NCAPD3: variants seen among roughly 807,000 people sequenced by gnomAD.
NCAPD3 encodes the protein non-SMC condensin II complex subunit D3, also known as condensin-2 complex subunit D3.
In NCAPD3, 105 loss-of-function variants were observed where a neutral mutation model predicts 182.9. That is an observed-to-expected ratio of 0.57 (90% CI 0.49 to 0.68). The LOEUF is 0.68. Ranked by LOEUF, NCAPD3 falls within the 30% of genes least tolerant of loss-of-function variation. The pLI, the probability that NCAPD3 is intolerant of heterozygous loss-of-function variation, is 0.00. For missense variants in NCAPD3, 1,944 were observed against 1,837.0 expected (o/e 1.06, Z -1.07); for synonymous variants, 815 against 679.9 (o/e 1.20, Z -3.09).
intron 19 of NCAPD3, among the ~76,000 whole-genome samples, chr11:134,181,481 T>C (rs1241836957): frequency 1.3e-5 from 2 of 152,212 alleles, no homozygotes; most frequent in South Asian, 2.1e-4. Flanking sequence ...TGTAGTAATT[T>C]GTAAGAGATC....
intron 10 of NCAPD3, 51 bp downstream of exon 10, chr11:134,203,995 T>C (rs756550486): frequency 6.6e-7 from 1 of 1,509,572 alleles, no homozygotes; most frequent in South Asian, 1.1e-5. Flanking sequence ...AGAGACCCTT[T>C]TAAAAAGAGT....
intron 1 of NCAPD3, among the ~76,000 whole-genome samples, chr11:134,222,076 A>G (rs1193509278): frequency 6.6e-6 from 1 of 152,234 alleles, no homozygotes; most frequent in Admixed American, 6.5e-5. Context: ...GATGGCAGTA[A>G]CTGGCCCTGT....
chr11:134,207,979 A>G (rs1001574615), intron 7 of NCAPD3, among the ~76,000 whole-genome samples: 2 of 152,188 alleles, frequency 1.3e-5, no homozygotes, highest in Non-Finnish European at 2.9e-5. Context: ...GGCCTGCTCA[A>G]CTTCATTTAA....
At chr11:134,160,463 C>G (rs1943546731) in intron 28 of NCAPD3, among the ~76,000 whole-genome samples, 1 of 152,112 alleles carries the variant, frequency 6.6e-6, no homozygotes, top group Non-Finnish European at 1.5e-5. Context: ...AAGACATGCT[C>G]AGACACAGCC....
intron 24 of NCAPD3, among the ~76,000 whole-genome samples, chr11:134,169,359 G>A (rs1253704536): frequency 6.6e-6 from 1 of 152,162 alleles, no homozygotes; most frequent in Admixed American, 6.5e-5. Context: ...TCGACCAACT[G>A]AACCCCAAAG....
rs1373698903 is a variant in NCAPD3 at position 134,151,741 on chromosome 11, C to A, written c.*1203G>T. 6.6e-6 allele frequency: 1 copy of A among 152,134 alleles called. No homozygotes were observed. Among genetic ancestry groups the A allele is most frequent in the Non-Finnish European group, 1.5e-5 (1 of 68,030 alleles). The allele number at this position is 152,134 out of a possible 1,614,324, so 9.4% of individuals were successfully genotyped here. On this transcript the variant is annotated 3_prime_UTR_variant, in exon 35 of 35. Coordinates refer to ENST00000534548, the MANE Select transcript of NCAPD3 (RefSeq NM_015261.3). ...TGTTTAACCTCATTTATAAAAGCTT[C>A]AAAAAAACCCAAACATTGCTTCATT...
intron 24 of NCAPD3, chr11:134,173,023 A>T (rs1253579934): frequency 6.6e-6 from 1 of 151,394 alleles, no homozygotes; most frequent in Non-Finnish European, 1.4e-5. Context: ...GCGGGCAGGC[A>T]GTGCAAGGAC....
At chr11:134,185,064 C>G (rs536098932) in intron 17 of NCAPD3, 64 bp from the exon 18 acceptor site, 389 of 1,298,046 alleles carry the variant, frequency 3.0e-4, no homozygotes, top group Admixed American at 5.2e-4. Context: ...CAACAAAGGC[C>G]TTTCTTCTGG....
intron 16 of NCAPD3, among the ~76,000 whole-genome samples, chr11:134,189,589 A>T (rs1338782753): frequency 6.6e-6 from 1 of 152,156 alleles, no homozygotes; most frequent in Admixed American, 6.5e-5. Context: ...TACTTATTGT[A>T]TAATGCTCAG....
Position 134,181,055 on chromosome 11 carries a change from G to A in NCAPD3, c.2559+22C>T, listed in dbSNP as rs1195735710. 45 of 1,552,354 alleles carry A rather than the reference G, an allele frequency of 2.9e-5. No homozygotes were observed. The Admixed American group carries it at 7.5e-4, about 26-fold the overall frequency. On this transcript the variant is annotated intron_variant, in intron 20 of 34. Coordinates refer to ENST00000534548, the MANE Select transcript of NCAPD3 (RefSeq NM_015261.3). Reference sequence around the variant, plus strand: ...GGATAAAATGGAAGCGAAAAGAATGGTTAGGAAAAGCAGTCGCTTACCAAC... The same window carrying A: ...GGATAAAATGGAAGCGAAAAGAATGATTAGGAAAAGCAGTCGCTTACCAAC...
At chr11:134,207,687 TGAGCC>T (rs1171423520) in intron 7 of NCAPD3, among the ~76,000 whole-genome samples, 1 of 132,134 alleles carries the variant, frequency 7.6e-6, no homozygotes, top group Non-Finnish European at 1.5e-5. Context: ...GAGGTTGCAG[TGAGCC>T]GAGATCATGC....
intron 25 of NCAPD3, 28 bp downstream of exon 25, chr11:134,168,889 G>C: frequency 6.2e-7 from 1 of 1,603,146 alleles, no homozygotes; most frequent in Admixed American, 1.7e-5. Context: ...CCAGATACAA[G>C]GAGACCAGAC....
At position 134,168,174 on chromosome 11, in the gene NCAPD3, A is replaced by T. The variant is rs1943914846; in HGVS notation, c.3395T>A (p.Leu1132Gln). 1 of 1,613,928 alleles carries T rather than the reference A, an allele frequency of 6.2e-7. No homozygotes were observed. The highest frequency in any genetic ancestry group is 1.7e-5 in the Admixed American group (1 of 60,002). The part of the protein sequence containing the change: ...SILACFADGI[L>Q]PLDLDASELL... ...CTCACTGGCGTCCAGGTCCAGGGGT[A>T]GGATGCCATCAGCAAAGCACGCTGA... Residue 1132 changes from leucine (L) to glutamine (Q), a missense_variant, in exon 27 of 35, where the codon CTA (leucine) becomes CAA (glutamine). Physicochemically the swap from Leu to Gln is moderately radical, Grantham distance 113. This residue lies in a region of NCAPD3 where 1,803 missense variants were observed against 1,674.6 expected (regional missense o/e 1.08). Coordinates refer to ENST00000534548, the MANE Select transcript of NCAPD3 (RefSeq NM_015261.3).
rs1221506298 is a variant in NCAPD3, at chr11:134,204,129, G to C, written c.1132C>G (p.Leu378Val). ...GGAAGTTTACTGAGCAGCTGGACTA[G>C]GGACTGGGCTGCAAAAGTACGATAC... ...SEYRTFAAQS[L>V]VQLLSKLPCG... The change falls in exon 10 of 35, where the codon CTA (leucine) becomes GTA (valine). Residue 378 changes from leucine to valine, a missense_variant. Around this residue, in one of 3 missense-constraint regions of NCAPD3, gnomAD observed 1,803 missense variants for 1,674.6 expected, o/e 1.08. Coordinates refer to ENST00000534548, the MANE Select transcript of NCAPD3 (RefSeq NM_015261.3). The surrounding 1 kb of genome is among the most constrained non-coding windows in gnomAD (Gnocchi z 4.3). 6.2e-7 allele frequency: 1 copy of C among 1,614,072 alleles called. No homozygotes were observed. The highest frequency in any genetic ancestry group is 1.7e-5 in the Admixed American group (1 of 60,022).
At chr11:134,221,709 G>A (rs1297236392) in intron 1 of NCAPD3, among the ~76,000 whole-genome samples, 1 of 152,146 alleles carries the variant, frequency 6.6e-6, no homozygotes, top group Non-Finnish European at 1.5e-5. Context: ...AGTTGGGCAA[G>A]GTATAAATAA....
At chr11:134,174,520 ACACT>A (rs1944111491) in intron 24 of NCAPD3, among the ~76,000 whole-genome samples, 2 of 151,918 alleles carry the variant, frequency 1.3e-5, no homozygotes, top group South Asian at 4.2e-4. Context: ...TACACACCAC[ACACT>A]CTCACTCATA....
intron 27 of NCAPD3, among the ~76,000 whole-genome samples, chr11:134,165,129 C>A (rs184672042): frequency 9.3e-5 from 14 of 150,704 alleles, no homozygotes; most frequent in Non-Finnish European, 1.8e-4. Flanking sequence ...GTGAGATGAG[C>A]TTAGGGGAGC....
intron 32 of NCAPD3, 157 bp from the exon 33 acceptor site, chr11:134,153,520 G>A (rs924577568): frequency 1.2e-5 from 9 of 732,692 alleles, no homozygotes; most frequent in Admixed American, 2.1e-5. Context: ...TGGCAGTGTT[G>A]AGGGCCCCTC....
chr11:134,165,167 G>C (rs886653302), intron 27 of NCAPD3, among the ~76,000 whole-genome samples: 1 of 151,098 alleles, frequency 6.6e-6, no homozygotes, highest in South Asian at 2.1e-4. Context: ...GATGAGCTGA[G>C]GAGGAGCTGC....
Sources: gnomAD v4.1 joint callset for allele counts (sites outside exome capture counted in the v4.1 genomes callset) on GRCh38, gnomAD v4.1.1 for gene constraint, gnomAD v4.1.1 regional missense constraint, Gnocchi (gnomAD v3.1) non-coding constraint, MANE v1.5 for transcripts, NCBI Gene and HGNC (gene_info 2026-07-23, HGNC 2026-07-21) for gene names.